The following OPRK1 variants were observed in gnomAD, a reference collection of about 807,000 sequenced individuals.
OPRK1 encodes the protein opioid receptor kappa 1.
In OPRK1, 15 loss-of-function variants were observed where a neutral mutation model predicts 24.5. The ratio of observed to expected loss-of-function variants is 0.61; its 90% CI spans 0.41 to 0.94. The LOEUF (loss-of-function observed/expected upper bound fraction) is 0.94, where lower values mean the gene tolerates loss of function less well. OPRK1 is among the 40% of genes least tolerant of loss of function. The pLI, the probability that OPRK1 is intolerant of heterozygous loss-of-function variation, is 0.00. For synonymous variants in OPRK1, 205 were observed against 198.0 expected (o/e 1.04, Z -0.30); for missense variants, 479 against 507.3 (o/e 0.94, Z 0.54).
intron 2 of OPRK1, among the ~76,000 whole-genome samples, chr8:53,239,131 A>C (rs188771361): frequency 3.9e-5 from 6 of 152,114 alleles, no homozygotes; most frequent in Non-Finnish European, 8.8e-5. Context: ...CTTGTCCCCT[A>C]TGGTGACGCA....
At position 53,228,376 on chromosome 8, in the gene OPRK1, A is replaced by G. The variant is rs1214433492; in HGVS notation, c.*921T>C. 1 of 152,210 alleles carries G rather than the reference A, an allele frequency of 6.6e-6. No homozygotes were observed. The highest frequency in any genetic ancestry group is 1.5e-5 in the Non-Finnish European group (1 of 68,040). The allele number at this position is 152,210 out of a possible 1,614,324, so 9.4% of individuals were successfully genotyped here. ...GACTAAATGGTATTCAGGGAGTCTG[A>G]AAGAGATCATGCCATGACTAATTCC... On this transcript the variant is annotated 3_prime_UTR_variant, in exon 4 of 4. Coordinates refer to ENST00000265572, the MANE Select transcript of OPRK1 (RefSeq NM_000912.5).
chr8:53,234,762 C>G lies in OPRK1; in HGVS notation c.607G>C (p.Glu203Gln). The stretch of plus-strand genomic sequence containing the variant: ...AGAATGAAATGACTGCTCTTACCTT[C>G]CCTGACTTTGGTGCCTCCAAGGACT... ...AIVLGGTKVR[E>Q]DVDVIECSLQ... Residue 203 changes from glutamate to glutamine, a missense_variant, in exon 3 of 4, where the codon GAA (glutamate) becomes CAA (glutamine). Transcript: ENST00000265572. 18 of 1,608,278 alleles carry G rather than the reference C, an allele frequency of 1.1e-5. No homozygotes were observed. Among genetic ancestry groups the G allele is most frequent in the Non-Finnish European group, 1.5e-5 (18 of 1,175,070 alleles).
intron 2 of OPRK1, among the ~76,000 whole-genome samples, chr8:53,246,488 ATTGT>A (rs776729066): frequency 1.1e-4 from 17 of 152,292 alleles, no homozygotes; most frequent in Non-Finnish European, 2.2e-4. Context: ...TGGGTTGTTG[ATTGT>A]TTGTAAGATG....
chr8:53,244,572 A>C (rs1807188215), intron 2 of OPRK1, among the ~76,000 whole-genome samples: 1 of 152,254 alleles, frequency 6.6e-6, no homozygotes, highest in Non-Finnish European at 1.5e-5. Flanking sequence ...TGATAGCAAC[A>C]AATTAATTAC....
intron 2 of OPRK1, among the ~76,000 whole-genome samples, chr8:53,238,999 C>T (rs1323550389): frequency 2.0e-5 from 3 of 152,110 alleles, no homozygotes; most frequent in Non-Finnish European, 2.9e-5. Context: ...TCAGGAACTC[C>T]TTTTCACCTT....
At chr8:53,231,047 A>T (rs1806840658) in intron 3 of OPRK1, among the ~76,000 whole-genome samples, 1 of 152,298 alleles carries the variant, frequency 6.6e-6, no homozygotes, top group Non-Finnish European at 1.5e-5. Flanking sequence ...ATTTTTGACA[A>T]TTAATAAAGA....
intron 2 of OPRK1, chr8:53,242,790 G>A: frequency 8.3e-7 from 1 of 1,211,714 alleles, no homozygotes; most frequent in Non-Finnish European, 1.1e-6. Context: ...ACGGGCCTGA[G>A]CCACCGCGCC....
Position 53,232,320 on chromosome 8 carries a change from C to T in OPRK1, c.610+2439G>A, listed in dbSNP as rs749782753. 3.3e-5 allele frequency among the ~76,000 whole-genome samples: 5 copies of T among 152,032 alleles called. No homozygotes were observed. In the South Asian group the frequency reaches 1.0e-3, roughly 32 times the overall value. ...CGCTTAGAAGAAAAAGGATCATGTTCAGTAGCACAAGAAGGTGACTACAGT... is the reference window on the plus strand; with the variant it reads ...CGCTTAGAAGAAAAAGGATCATGTTTAGTAGCACAAGAAGGTGACTACAGT... On this transcript the variant is annotated intron_variant, in intron 3 of 3. Transcript: ENST00000265572.
At chr8:53,245,566 C>A (rs989541751) in intron 2 of OPRK1, among the ~76,000 whole-genome samples, 1 of 152,004 alleles carries the variant, frequency 6.6e-6, no homozygotes, top group Middle Eastern at 3.2e-3. Context: ...TCACACTGAG[C>A]CATTTAGAAG....
chr8:53,232,296 G>A (rs1028334909), intron 3 of OPRK1, among the ~76,000 whole-genome samples: 8 of 152,028 alleles, frequency 5.3e-5, no homozygotes, highest in South Asian at 2.1e-4. Flanking sequence ...TACGAAATAC[G>A]CTTAGAAGAA....
In OPRK1 at chr8:53,235,059, C is replaced by T. The variant is rs1384190747; in HGVS notation, c.310G>A (p.Ala104Thr). Residue 104 changes from alanine (A) to threonine (T), a missense_variant, in exon 3 of 4, where the codon GCA (alanine) becomes ACA (threonine). Transcript: ENST00000265572. ...ATGGTTGTAGTAACTAAAGCATCTG[C>T]CAAAGCCAGGTTAAATATGTAAATG... ...TNIYIFNLAL[A>T]DALVTTTMPF... 6.2e-7 allele frequency: 1 copy of T among 1,614,172 alleles called. No homozygotes were observed. The highest frequency in any genetic ancestry group is 8.5e-7 in the Non-Finnish European group (1 of 1,180,044).
intron 2 of OPRK1, among the ~76,000 whole-genome samples, chr8:53,245,044 GT>G (rs1342507745): frequency 6.6e-6 from 1 of 152,160 alleles, no homozygotes; most frequent in African/African-American, 2.4e-5. Flanking sequence ...CAATGTAAAG[GT>G]TATGTAAATA....
intron 2 of OPRK1, 96 bp downstream of exon 2, chr8:53,250,685 C>A (rs1807355436): frequency 7.6e-7 from 1 of 1,309,540 alleles, no homozygotes; most frequent in African/African-American, 1.5e-5. Context: ...GTCCCCACCA[C>A]CTGGCTGGCT....
At chr8:53,235,141 T>A (rs201815217) in intron 2 of OPRK1, 30 bp from the exon 3 acceptor site, 36 of 1,580,304 alleles carry the variant, frequency 2.3e-5, no homozygotes, top group Non-Finnish European at 2.9e-5. Flanking sequence ...AGCATTTCCC[T>A]CCATTTTCAA....
rs112634710 is a variant in OPRK1 at position 53,228,234 on chromosome 8, C to A, written c.*1063G>T. ...TCCGTGAATAGAGAGATCTGCGAAT[C>A]GCTATATGTTCATAAAGAGATGTGG... is the stretch of plus-strand genomic sequence containing the variant. On this transcript the variant is annotated 3_prime_UTR_variant, in exon 4 of 4. Transcript: ENST00000265572. The A allele has an allele frequency of 1.6e-4, 24 of 152,288 alleles. No individual in the cohort carries two copies. In the Middle Eastern group the frequency reaches 0.01, roughly 65 times the overall value. 9.4% of individuals were successfully genotyped at this position (152,288 alleles called of 1,614,324 possible).
intron 3 of OPRK1, among the ~76,000 whole-genome samples, chr8:53,232,191 C>A (rs1806869899): frequency 6.7e-6 from 1 of 150,228 alleles, no homozygotes; most frequent in African/African-American, 2.5e-5. Flanking sequence ...AAAAAAAAAA[C>A]CTGAACTTAC....
chr8:53,249,903 C>G (rs1380964365), intron 2 of OPRK1, among the ~76,000 whole-genome samples: 1 of 152,160 alleles, frequency 6.6e-6, no homozygotes, highest in Non-Finnish European at 1.5e-5. Context: ...AGCTCTAGTG[C>G]TCCCAGAAAA....
intron 2 of OPRK1, among the ~76,000 whole-genome samples, chr8:53,239,157 C>G (rs1269900240): frequency 6.6e-6 from 1 of 152,184 alleles, no homozygotes; most frequent in Non-Finnish European, 1.5e-5. Flanking sequence ...CCTCTCTTCC[C>G]TCTCCAGTTA....
chr8:53,235,840 T>C (rs368906436), intron 2 of OPRK1, among the ~76,000 whole-genome samples: 1 of 152,236 alleles, frequency 6.6e-6, no homozygotes, highest in Admixed American at 6.5e-5. Flanking sequence ...AGAGTAATTT[T>C]CAAGGTAGGT....
Sources: allele counts gnomAD v4.1 joint callset (sites outside exome capture counted in the v4.1 genomes callset), GRCh38; gene constraint gnomAD v4.1.1; transcripts MANE v1.5; gene names NCBI Gene and HGNC (gene_info 2026-07-23, HGNC 2026-07-21).